SMCHD1: variants seen among roughly 807,000 people sequenced by gnomAD.
The protein encoded by SMCHD1 is structural maintenance of chromosomes flexible hinge domain-containing protein 1.
Under a neutral mutation model 254.7 loss-of-function variants are expected in SMCHD1, and 78 were observed. The ratio of observed to expected loss-of-function variants is 0.31; its 90% CI spans 0.26 to 0.37. The LOEUF is 0.37. Ranked by LOEUF, SMCHD1 falls within the 10% of genes least tolerant of loss-of-function variation. The pLI is 1.00. For synonymous variants in SMCHD1, 766 were observed against 794.9 expected (o/e 0.96, Z 0.61); for missense variants, 1,840 against 2,408.1 (o/e 0.76, Z 4.94).
At chr18:2,708,804 T>A (rs1407048877) in intron 17 of SMCHD1, among the ~76,000 whole-genome samples, 2 of 141,114 alleles carry the variant, frequency 1.4e-5, no homozygotes, top group Admixed American at 1.4e-4. Context: ...TTAGTAGAGA[T>A]GGGGTTTGAT....
At chr18:2,763,346 A>G (rs935703902) in intron 36 of SMCHD1, among the ~76,000 whole-genome samples, 2 of 152,206 alleles carry the variant, frequency 1.3e-5, no homozygotes, top group African/African-American at 4.8e-5. Flanking sequence ...ACTTTTTCAC[A>G]TCTGTAGGTA....
chr18:2,720,397 T>C (rs1440570044), intron 19 of SMCHD1, among the ~76,000 whole-genome samples: 1 of 152,206 alleles, frequency 6.6e-6, no homozygotes, highest in African/African-American at 2.4e-5. Flanking sequence ...CTGAGGATAT[T>C]AATAATAGTG....
rs771797324 is a variant in SMCHD1, at chr18:2,706,512, T to C, written c.2063+42T>C. 2.0e-5 allele frequency: 27 copies of C among 1,345,452 alleles called. No homozygotes were observed. The East Asian group carries it at 6.8e-4, about 34-fold the overall frequency. The allele number at this position is 1,345,452 out of a possible 1,614,324, so 83.3% of individuals were successfully genotyped here. ...GATGCATGACAAAAATAAGAAAAAT[T>C]GGAAAGAATTGTGCTGTAAGTATTC... On this transcript the variant is annotated intron_variant, in intron 15 of 47. Coordinates refer to ENST00000320876, the MANE Select transcript of SMCHD1 (RefSeq NM_015295.3).
At chr18:2,775,412 G>GA (rs1222891433) in intron 41 of SMCHD1, among the ~76,000 whole-genome samples, 1 of 151,724 alleles carries the variant, frequency 6.6e-6, no homozygotes, top group African/African-American at 2.4e-5. Context: ...GTTAAAATGT[G>GA]AAAAAAGTAT....
In SMCHD1 at chr18:2,778,093, T is replaced by A. The variant is rs2076096333; in HGVS notation, c.5477-76T>A. 3 of 1,169,732 alleles carry A rather than the reference T, an allele frequency of 2.6e-6. No individual in the cohort carries two copies. In the South Asian group the frequency reaches 4.3e-5, roughly 17 times the overall value. 72.5% of individuals were successfully genotyped at this position (1,169,732 alleles called of 1,614,324 possible). ...TACTAGCACTCTTTCAAAGAAAGACTTGCAATGTGCATTATATTTTAATAT... is the reference window on the plus strand; with the variant it reads ...TACTAGCACTCTTTCAAAGAAAGACATGCAATGTGCATTATATTTTAATAT... On this transcript the variant is annotated intron_variant, in intron 43 of 47. Transcript: ENST00000320876.
At chr18:2,682,786 A>G (rs560371246) in intron 5 of SMCHD1, among the ~76,000 whole-genome samples, 80 of 152,348 alleles carry the variant, frequency 5.3e-4, no homozygotes, top group Admixed American at 1.6e-3. Flanking sequence ...TTAATTTCCT[A>G]ATTCTCCAGA....
intron 17 of SMCHD1, among the ~76,000 whole-genome samples, chr18:2,708,915 T>C (rs374585425): frequency 0.073 from 6,579 of 90,022 alleles, 737 homozygotes; most frequent in Non-Finnish European, 0.1. Flanking sequence ...TATAACATAT[T>C]AACATGAAAT....
chr18:2,758,510 A>G (rs973866335), intron 34 of SMCHD1, among the ~76,000 whole-genome samples: 5 of 151,998 alleles, frequency 3.3e-5, no homozygotes, highest in African/African-American at 1.2e-4. Context: ...ATTGGGATTT[A>G]CTCATTTATC....
At chr18:2,672,508 G>A (rs558032391) in intron 3 of SMCHD1, among the ~76,000 whole-genome samples, 14 of 152,330 alleles carry the variant, frequency 9.2e-5, no homozygotes, top group East Asian at 7.7e-4. Context: ...GATTACAGGC[G>A]TGAGCCCACA....
rs148496345 is a variant in SMCHD1, at chr18:2,675,333, C to G, written c.638+1188C>G. Among the ~76,000 whole-genome samples the G allele has an allele frequency of 7.7e-3, 1,123 of 145,630 alleles. 13 individuals are homozygous for G. Among genetic ancestry groups the G allele is most frequent in the African/African-American group, 0.024 (907 of 38,590 alleles). On this transcript the variant is annotated intron_variant, in intron 5 of 47. Coordinates refer to ENST00000320876, the MANE Select transcript of SMCHD1 (RefSeq NM_015295.3). ...AGGCTGAAGTGCAGTTGTGCAATCT[C>G]GGCTCACTGCAACCTCTGCCTCCCA...
At chr18:2,795,747 G>T (rs1449372554) in intron 45 of SMCHD1, among the ~76,000 whole-genome samples, 8 of 152,124 alleles carry the variant, frequency 5.3e-5, no homozygotes, top group African/African-American at 1.9e-4. Flanking sequence ...GTCAAACAAA[G>T]AAAATTAAAT....
rs1299863595 is a variant in SMCHD1 at position 2,722,623 on chromosome 18, A to G, written c.2563A>G (p.Ser855Gly). Residue 855 changes from serine to glycine, a missense_variant, in exon 20 of 48, where the codon AGT becomes GGT. Transcript: ENST00000320876. ...LEFQDEFGHTSQLVTDIQPVL... is the reference protein window; with the variant it reads ...LEFQDEFGHTGQLVTDIQPVL... Reference sequence around the variant, plus strand: ...GTTTCAGGATGAATTTGGTCATACCAGTCAACTAGTAACTGATATTCAGCC... The same window carrying G: ...GTTTCAGGATGAATTTGGTCATACCGGTCAACTAGTAACTGATATTCAGCC... The G allele has an allele frequency of 3.1e-6, 5 of 1,613,000 alleles. No individual in the cohort carries two copies. The highest frequency in any genetic ancestry group is 2.2e-5 in the East Asian group (1 of 44,824).
At chr18:2,698,249 A>T (rs2143157875) in intron 10 of SMCHD1, among the ~76,000 whole-genome samples, 1 of 152,242 alleles carries the variant, frequency 6.6e-6, no homozygotes, top group African/African-American at 2.4e-5. Flanking sequence ...ATCTTTAATG[A>T]ACTCTTCTTT....
chr18:2,677,335 G>A (rs934733685), intron 5 of SMCHD1, among the ~76,000 whole-genome samples: 4 of 151,992 alleles, frequency 2.6e-5, no homozygotes, highest in South Asian at 2.1e-4. Flanking sequence ...GAAAGTATCC[G>A]TATTAATTTC....
chr18:2,750,466 A>G lies in SMCHD1; in HGVS notation c.4124A>G (p.Tyr1375Cys). 2 of 1,610,190 alleles carry G rather than the reference A, an allele frequency of 1.2e-6. No homozygotes were observed. The highest frequency in any genetic ancestry group is 1.3e-5 in the African/African-American group (1 of 75,004). The change falls in exon 32 of 48, where the codon TAT (tyrosine) becomes TGT (cysteine). Residue 1375 changes from tyrosine (Y) to cysteine (C), a missense_variant. This residue lies in a region of SMCHD1 where 881 missense variants were observed against 1,009.5 expected (regional missense o/e 0.87). Transcript: ENST00000320876. ...AAACCCGTTCGTCTCAATGTTAAAT[A>G]TGACAAAGATGCATCCTTCTTAGCA... ...PEKPVRLNVK[Y>C]DKDASFLAGG...
At chr18:2,708,988 C>T (rs2074601849) in intron 17 of SMCHD1, among the ~76,000 whole-genome samples, 1 of 142,574 alleles carries the variant, frequency 7.0e-6, no homozygotes, top group Non-Finnish European at 1.5e-5. Flanking sequence ...CCATGTAAAG[C>T]ATTTTTTCAT....
Position 2,750,521 on chromosome 18 carries a change from A to T in SMCHD1, c.4165+14A>T. 1 of 1,566,016 alleles carries T rather than the reference A, an allele frequency of 6.4e-7. No individual in the cohort carries two copies. The highest frequency in any genetic ancestry group is 8.7e-7 in the Non-Finnish European group (1 of 1,152,858). On this transcript the variant is annotated intron_variant, in intron 32 of 47. Transcript: ENST00000320876. ...GTCTTTTCACTGGTGAGTATTTCAC[A>T]TACATAAATAAATCTATAATGATAA...
At chr18:2,770,835 G>A (rs759279014) in intron 39 of SMCHD1, among the ~76,000 whole-genome samples, 3 of 152,032 alleles carry the variant, frequency 2.0e-5, no homozygotes, top group Admixed American at 6.6e-5. Context: ...TGGCCGGGCT[G>A]GTCTCGAACT....
At chr18:2,689,447 CT>C (rs1251867873) in intron 7 of SMCHD1, among the ~76,000 whole-genome samples, 1 of 151,856 alleles carries the variant, frequency 6.6e-6, no homozygotes, top group African/African-American at 2.4e-5. Flanking sequence ...TTTTGAACTC[CT>C]GACCTCAAGT....
Sources: allele counts gnomAD v4.1 joint callset (sites outside exome capture counted in the v4.1 genomes callset), GRCh38; gene constraint gnomAD v4.1.1; regional missense constraint gnomAD v4.1.1; transcripts MANE v1.5; gene names NCBI Gene and HGNC (gene_info 2026-07-23, HGNC 2026-07-21).